The following PARD3B variants were observed in gnomAD, a reference collection of about 807,000 sequenced individuals.
The protein encoded by PARD3B is par-3 family cell polarity regulator beta.
Under a neutral mutation model 130.2 loss-of-function variants are expected in PARD3B, and 103 were observed. The observed-to-expected ratio is 0.79, with a 90% CI of 0.67 to 0.93. PARD3B has a LOEUF of 0.93. PARD3B is among the 40% of genes least tolerant of loss of function. The pLI, the probability that PARD3B is intolerant of heterozygous loss-of-function variation, is 0.00. For missense variants in PARD3B, 1,609 were observed against 1,499.2 expected, an observed-to-expected ratio of 1.07 and a Z score of -1.21; for synonymous variants, 583 against 553.2, an observed-to-expected ratio of 1.05 and a Z score of -0.76.
Position 204,611,781 on chromosome 2 carries a change from G to A in PARD3B, c.120+65662G>A, listed in dbSNP as rs1283784501. On this transcript the variant is annotated intron_variant, in intron 1 of 22. Coordinates refer to ENST00000406610, the MANE Select transcript of PARD3B (RefSeq NM_001302769.2). The stretch of plus-strand genomic sequence containing the variant: ...GATCCACTTTTAAAAATCCATTTGC[G>A]TACATCCCATATCTAAAAGTTGTGT... Among the ~76,000 whole-genome samples, 7 of 152,172 alleles carry A rather than the reference G, an allele frequency of 4.6e-5. No homozygotes were observed. The South Asian group carries it at 8.3e-4, about 18-fold the overall frequency.
intron 18 of PARD3B, among the ~76,000 whole-genome samples, chr2:205,310,549 T>C (rs1249555710): frequency 6.6e-6 from 1 of 152,076 alleles, no homozygotes; most frequent in Non-Finnish European, 1.5e-5. Flanking sequence ...TTCCATGAGT[T>C]CGACTTTTAT....
chr2:205,197,997 A>C (rs1411881184), intron 15 of PARD3B, among the ~76,000 whole-genome samples: 1 of 152,178 alleles, frequency 6.6e-6, no homozygotes, highest in Non-Finnish European at 1.5e-5. Flanking sequence ...GAGGCATAAA[A>C]ATCTTTAATT....
intron 2 of PARD3B, among the ~76,000 whole-genome samples, chr2:204,849,116 A>G (rs1371467746): frequency 6.6e-6 from 1 of 152,106 alleles, no homozygotes; most frequent in African/African-American, 2.4e-5. Context: ...GAAAAATGTC[A>G]CAAATTAGAA....
rs1174630853 is a variant in PARD3B at position 205,264,927 on chromosome 2, A to G, written c.2185+19105A>G. ...AGTGACTTCATTTTATCTATTGTAA[A>G]CTGGTGATTCCTGTTTATGTGATCA... On this transcript the variant is annotated intron_variant, in intron 16 of 22. Transcript: ENST00000406610. Among the ~76,000 whole-genome samples, 3 of 151,084 alleles carry G rather than the reference A, an allele frequency of 2.0e-5. 1 individual carries two copies. The highest frequency in any genetic ancestry group is 4.4e-5 in the Non-Finnish European group (3 of 67,626).
intron 1 of PARD3B, among the ~76,000 whole-genome samples, chr2:204,625,487 T>C (rs1402410632): frequency 2.0e-5 from 3 of 152,200 alleles, no homozygotes; most frequent in African/African-American, 7.2e-5. Context: ...GGGATTGTTG[T>C]TGACTTTGTA....
chr2:205,599,212 A>G (rs1346783975), intron 22 of PARD3B, among the ~76,000 whole-genome samples: 1 of 152,208 alleles, frequency 6.6e-6, no homozygotes, highest in Non-Finnish European at 1.5e-5. Flanking sequence ...CTCACTTAGT[A>G]TTATAAATTT....
intron 15 of PARD3B, among the ~76,000 whole-genome samples, chr2:205,205,777 TG>T (rs1315862633): frequency 6.6e-6 from 1 of 152,228 alleles, no homozygotes; most frequent in Non-Finnish European, 1.5e-5. Flanking sequence ...GAACCAGCCT[TG>T]CATCCCAGGG....
intron 3 of PARD3B, among the ~76,000 whole-genome samples, chr2:205,010,744 C>G (rs1329204027): frequency 6.6e-6 from 1 of 151,494 alleles, no homozygotes; most frequent in Non-Finnish European, 1.5e-5. Context: ...TTTTTTTTCT[C>G]TGTGGAAACT....
At chr2:204,557,275 C>T (rs1180168897) in intron 1 of PARD3B, among the ~76,000 whole-genome samples, 1 of 152,118 alleles carries the variant, frequency 6.6e-6, no homozygotes, top group Non-Finnish European at 1.5e-5. Flanking sequence ...AATTCAAGCC[C>T]ACTCTATTCT....
chr2:205,300,468 A>G lies in PARD3B; in HGVS notation c.2186-62A>G. On this transcript the variant is annotated intron_variant, in intron 16 of 22. Coordinates refer to ENST00000406610, the MANE Select transcript of PARD3B (RefSeq NM_001302769.2). The surrounding 1 kb of genome is among the most constrained non-coding windows in gnomAD (Gnocchi z 4.1). ...GTCCAGACAGAAATATTCTTAGAAC[A>G]ATAGCATTACACCACACTGCCCCAT... 1 of 1,425,974 alleles carries G rather than the reference A, an allele frequency of 7.0e-7. No individual in the cohort carries two copies. The highest frequency in any genetic ancestry group is 1.2e-5 in the South Asian group (1 of 85,676). 88.3% of individuals were successfully genotyped at this position (1,425,974 alleles called of 1,614,324 possible).
At chr2:205,615,399 T>G in intron 22 of PARD3B, 57 bp from the exon 23 acceptor site, 1 of 1,442,608 alleles carries the variant, frequency 6.9e-7, no homozygotes, top group Non-Finnish European at 9.4e-7. Context: ...GAACATGTTC[T>G]CCAGCCGGAC....
intron 12 of PARD3B, among the ~76,000 whole-genome samples, chr2:205,172,918 A>G (rs1257201801): frequency 1.3e-5 from 2 of 152,156 alleles, no homozygotes; most frequent in East Asian, 3.8e-4. Flanking sequence ...TTTTTAAAAT[A>G]TCAAGAATAT....
At chr2:205,435,042 T>C (rs2047464159) in intron 19 of PARD3B, among the ~76,000 whole-genome samples, 1 of 152,078 alleles carries the variant, frequency 6.6e-6, no homozygotes, top group African/African-American at 2.4e-5. Flanking sequence ...TACCTGCACA[T>C]GTACCCCCTG....
At chr2:204,614,284 T>C (rs916804812) in intron 1 of PARD3B, among the ~76,000 whole-genome samples, 2 of 152,150 alleles carry the variant, frequency 1.3e-5, no homozygotes, top group African/African-American at 2.4e-5. Flanking sequence ...TTTTAACATG[T>C]AACTAATATA....
chr2:205,173,217 A>G (rs960787510), intron 12 of PARD3B, among the ~76,000 whole-genome samples: 1 of 152,228 alleles, frequency 6.6e-6, no homozygotes, highest in Admixed American at 6.5e-5. Context: ...CTATTTAAAA[A>G]GCTAATATAA....
intron 15 of PARD3B, among the ~76,000 whole-genome samples, chr2:205,194,097 C>T (rs564167052): frequency 6.6e-6 from 1 of 152,318 alleles, no homozygotes; most frequent in South Asian, 2.1e-4. Context: ...ACAATAAATT[C>T]TCAGCAAAAT....
At chr2:205,520,768 A>G (rs1389024009) in intron 21 of PARD3B, among the ~76,000 whole-genome samples, 1 of 151,818 alleles carries the variant, frequency 6.6e-6, no homozygotes, top group Non-Finnish European at 1.5e-5. Flanking sequence ...ATATTTTTTT[A>G]CTTTGTTATA....
At chr2:205,424,696 T>C (rs1302337195) in intron 19 of PARD3B, among the ~76,000 whole-genome samples, 1 of 152,190 alleles carries the variant, frequency 6.6e-6, no homozygotes. Flanking sequence ...CTGTTTCCTC[T>C]TCAGGAAGTT....
At chr2:205,369,913 T>C (rs1349327787) in intron 18 of PARD3B, among the ~76,000 whole-genome samples, 1 of 152,198 alleles carries the variant, frequency 6.6e-6, no homozygotes, top group Non-Finnish European at 1.5e-5. Flanking sequence ...CAAGCAATAA[T>C]TGAGCTCTAG....
Sources: gnomAD v4.1 joint callset for allele counts (sites outside exome capture counted in the v4.1 genomes callset) on GRCh38, gnomAD v4.1.1 for gene constraint, Gnocchi (gnomAD v3.1) non-coding constraint, MANE v1.5 for transcripts, NCBI Gene and HGNC (gene_info 2026-07-23, HGNC 2026-07-21) for gene names.